Variants in AOPEP observed in about 807,000 individuals in gnomAD.
AOPEP encodes aminopeptidase O.
A neutral mutation model predicts 98.1 loss-of-function variants in AOPEP; 77 were observed. The observed-to-expected ratio is 0.78, with a 90% CI of 0.65 to 0.95. The LOEUF (loss-of-function observed/expected upper bound fraction) is 0.95, where lower values mean the gene tolerates loss of function less well. Among genes scored for constraint, AOPEP ranks in the 40% least tolerant of loss-of-function variants. The pLI, the probability that AOPEP is intolerant of heterozygous loss-of-function variation, is 0.00. For missense variants in AOPEP, 1,024 were observed against 1,024.7 expected (o/e 1.00, Z 0.01); for synonymous variants, 346 against 365.3 (o/e 0.95, Z 0.60).
chr9:94,814,707 G>C (rs773627054), intron 5 of AOPEP, among the ~76,000 whole-genome samples: 1 of 152,184 alleles, frequency 6.6e-6, no homozygotes, highest in Non-Finnish European at 1.5e-5. Flanking sequence ...GAGTCAGAAT[G>C]CAAAGGGATA....
intron 9 of AOPEP, 72 bp from the exon 10 acceptor site, chr9:94,967,686 G>A: frequency 1.5e-6 from 2 of 1,318,810 alleles, no homozygotes; most frequent in Admixed American, 3.4e-5. Context: ...GGAGCACTCA[G>A]CCTCTGGCAT....
At chr9:94,797,230 G>A (rs919152400) in intron 4 of AOPEP, among the ~76,000 whole-genome samples, 1 of 152,146 alleles carries the variant, frequency 6.6e-6, no homozygotes, top group Admixed American at 6.5e-5. Context: ...TCGGGAGATC[G>A]AGACCATCCT....
chr9:95,150,010 A>G, the AOPEP span: 2 of 1,614,080 alleles, frequency 1.2e-6, no homozygotes, highest in African/African-American at 2.7e-5. Flanking sequence ...GAGAGCCTCC[A>G]CCAGGGGGTC....
At chr9:94,756,738 G>T (rs896146179) in intron 1 of AOPEP, among the ~76,000 whole-genome samples, 2 of 152,034 alleles carry the variant, frequency 1.3e-5, no homozygotes, top group Admixed American at 6.6e-5. Flanking sequence ...GAAGAAACTG[G>T]ATGTGCTCTG....
intron 7 of AOPEP, among the ~76,000 whole-genome samples, chr9:94,938,716 C>A (rs2137364318): frequency 6.6e-6 from 1 of 152,300 alleles, no homozygotes; most frequent in South Asian, 2.1e-4. Context: ...AATTGAAGAA[C>A]TCGTATGTGA....
chr9:95,033,351 G>A (rs2064492666), intron 13 of AOPEP, among the ~76,000 whole-genome samples: 1 of 152,088 alleles, frequency 6.6e-6, no homozygotes, highest in South Asian at 2.1e-4. Context: ...AACCCCAAGT[G>A]GTGATTCCTT....
In AOPEP at chr9:94,972,633, T is replaced by C. The variant is rs559262788; in HGVS notation, c.1916+4832T>C. ...TATTATCTACCCAAGCACAAATGAA[T>C]GTTTTGATCAAGAAAATAAATCAGC... is the stretch of plus-strand genomic sequence containing the variant. On this transcript the variant is annotated intron_variant, in intron 10 of 16. Transcript: ENST00000375315. The surrounding 1 kb of genome is among the most constrained non-coding windows in gnomAD (Gnocchi z 4.2). Among the ~76,000 whole-genome samples, 1 of 152,270 alleles carries C rather than the reference T, an allele frequency of 6.6e-6. No individual in the cohort carries two copies. Among genetic ancestry groups the C allele is most frequent in the East Asian group, 1.9e-4 (1 of 5,176 alleles).
rs1164742981 is a variant in AOPEP, at chr9:94,899,179, C to CTTTTTTTTTTT, written c.1365-24794_1365-24784dup. On this transcript the variant is annotated intron_variant, in intron 5 of 16. Coordinates refer to ENST00000375315, the MANE Select transcript of AOPEP (RefSeq NM_001193329.3). ...GGAAGATAATTTGCCTCTTCATTTG[C>CTTTTTTTTTTT]TTTTTTTTTTTTTTTTTTTTTTTGA... Among the ~76,000 whole-genome samples the CTTTTTTTTTTT allele has an allele frequency of 6.9e-4, 41 of 59,744 alleles. 6 individuals carry two copies. The highest frequency in any genetic ancestry group is 1.6e-3 in the South Asian group (2 of 1,232). The allele number at this position is 59,744 out of a possible 152,430, so 39.2% of individuals were successfully genotyped here.
At chr9:95,020,179 C>T (rs917257993) in intron 13 of AOPEP, 1 of 152,310 alleles carries the variant, frequency 6.6e-6, no homozygotes, top group Non-Finnish European at 1.5e-5. Context: ...TTCCAGCTGT[C>T]TGCCCAGGTA....
intron 5 of AOPEP, among the ~76,000 whole-genome samples, chr9:94,804,623 G>A (rs1588299774): frequency 1.3e-5 from 2 of 152,218 alleles, no homozygotes; most frequent in East Asian, 3.9e-4. Context: ...TGATAATTTG[G>A]TTATTGTTTA....
chr9:95,107,064 A>G, the AOPEP span: 1 of 1,614,010 alleles, frequency 6.2e-7, no homozygotes, highest in South Asian at 1.1e-5. Context: ...AGGGAGACTT[A>G]CCAGGGTGAT....
At chr9:94,844,202 C>T (rs1268344633) in intron 5 of AOPEP, among the ~76,000 whole-genome samples, 1 of 152,102 alleles carries the variant, frequency 6.6e-6, no homozygotes, top group Non-Finnish European at 1.5e-5. Flanking sequence ...ATTACAGGCA[C>T]TCACCACCAT....
intron 13 of AOPEP, among the ~76,000 whole-genome samples, chr9:95,014,901 T>C (rs756027968): frequency 6.6e-5 from 10 of 152,220 alleles, no homozygotes; most frequent in African/African-American, 9.6e-5. Context: ...CTTGAATTTA[T>C]TGTACATAAG....
chr9:94,775,483 C>T (rs925692033), intron 3 of AOPEP, among the ~76,000 whole-genome samples: 5 of 151,856 alleles, frequency 3.3e-5, no homozygotes, highest in East Asian at 1.9e-4. Context: ...GATTCTGTCT[C>T]GGCCTCCCCA....
chr9:94,818,839 A>G (rs1427428184), intron 5 of AOPEP, among the ~76,000 whole-genome samples: 1 of 152,092 alleles, frequency 6.6e-6, no homozygotes, highest in Non-Finnish European at 1.5e-5. Flanking sequence ...CTAAAAATAC[A>G]AAAAATTAGC....
chr9:94,773,238 A>G (rs1841289078), intron 3 of AOPEP, 70 bp downstream of exon 3: 5 of 1,370,694 alleles, frequency 3.6e-6, no homozygotes, highest in East Asian at 4.7e-5. Context: ...AATAAACAGT[A>G]TTTTTCTAAA....
At chr9:94,754,789 A>G (rs1324965595) in intron 1 of AOPEP, among the ~76,000 whole-genome samples, 1 of 152,244 alleles carries the variant, frequency 6.6e-6, no homozygotes, top group Non-Finnish European at 1.5e-5. Context: ...ATAAGTTAGA[A>G]TCGTGAGGAT....
At chr9:95,102,600 TTTAA>T in the AOPEP span, among the ~76,000 whole-genome samples, 2 of 152,158 alleles carry the variant, frequency 1.3e-5, no homozygotes, top group Non-Finnish European at 2.9e-5. Context: ...CCCGCAAATG[TTTAA>T]TTAGCCAGAG....
intron 4 of AOPEP, among the ~76,000 whole-genome samples, chr9:94,795,410 TA>T (rs1235386341): frequency 6.6e-6 from 1 of 152,194 alleles, no homozygotes; most frequent in East Asian, 1.9e-4. Flanking sequence ...GGTGGTTGGA[TA>T]TACCTCTTTG....
Sources: allele counts gnomAD v4.1 joint callset (sites outside exome capture counted in the v4.1 genomes callset), GRCh38; gene constraint gnomAD v4.1.1; non-coding constraint Gnocchi (gnomAD v3.1); transcripts MANE v1.5; gene names NCBI Gene and HGNC (gene_info 2026-07-23, HGNC 2026-07-21).